The following ZBTB7C variants were observed in gnomAD, a reference collection of about 807,000 sequenced individuals.
ZBTB7C encodes zinc finger and BTB domain-containing protein 7C.
A neutral mutation model predicts 25.7 loss-of-function variants in ZBTB7C; 8 were observed. The ratio of observed to expected loss-of-function variants is 0.31; its 90% CI spans 0.18 to 0.56. The LOEUF (loss-of-function observed/expected upper bound fraction) is 0.56, where lower values mean the gene tolerates loss of function less well. Among genes scored for constraint, ZBTB7C ranks in the 20% least tolerant of loss-of-function variants. ZBTB7C has a pLI of 0.91. For missense variants in ZBTB7C, 824 were observed against 855.2 expected, an observed-to-expected ratio of 0.96 and a Z score of 0.46; for synonymous variants, 394 against 369.0, an observed-to-expected ratio of 1.07 and a Z score of -0.78.
At chr18:48,041,351 G>T in intron 3 of ZBTB7C, 2 of 985,402 alleles carry the variant, frequency 2.0e-6, no homozygotes, top group Non-Finnish European at 2.4e-6. Flanking sequence ...GCTTCTCACT[G>T]GGCAGCTGGT....
At chr18:48,135,921 G>A (rs555691577) in intron 3 of ZBTB7C, among the ~76,000 whole-genome samples, 26 of 152,360 alleles carry the variant, frequency 1.7e-4, no homozygotes, top group African/African-American at 4.8e-4. Flanking sequence ...CTGGGTACCA[G>A]CTATTAAAAG....
At chr18:48,063,808 G>A (rs906560049) in intron 3 of ZBTB7C, among the ~76,000 whole-genome samples, 29 of 152,202 alleles carry the variant, frequency 1.9e-4, no homozygotes, top group East Asian at 9.6e-4. Flanking sequence ...ATGTAAAAGC[G>A]TCCATGGTAG....
chr18:48,062,943 T>C (rs1295112332), intron 3 of ZBTB7C, among the ~76,000 whole-genome samples: 1 of 152,188 alleles, frequency 6.6e-6, no homozygotes, highest in African/African-American at 2.4e-5. Flanking sequence ...GCATTTTGCC[T>C]TCACCTGCTC....
At chr18:48,059,361 G>A (rs995922277) in intron 3 of ZBTB7C, among the ~76,000 whole-genome samples, 1 of 152,084 alleles carries the variant, frequency 6.6e-6, no homozygotes. Context: ...GAAGGCGGGG[G>A]TTAACTAAAA....
At chr18:48,205,625 T>C (rs1332579523) in intron 2 of ZBTB7C, among the ~76,000 whole-genome samples, 2 of 151,970 alleles carry the variant, frequency 1.3e-5, no homozygotes, top group African/African-American at 4.8e-5. Context: ...TTTAGTCATC[T>C]ATGGTGAGTA....
rs531225974 is a variant in ZBTB7C, at chr18:48,358,347, A to G, written c.-303-19949T>C. 2.8e-5 allele frequency among the ~76,000 whole-genome samples: 4 copies of G among 140,632 alleles called. No individual in the cohort carries two copies. The East Asian group carries it at 7.8e-4, about 27-fold the overall frequency. 92.3% of individuals were successfully genotyped at this position (140,632 alleles called of 152,430 possible). On this transcript the variant is annotated intron_variant, in intron 1 of 4. Coordinates refer to ENST00000590800, the MANE Select transcript of ZBTB7C (RefSeq NM_001318841.2). The stretch of plus-strand genomic sequence containing the variant: ...AGCCTGGGTGACTGAACGAGACTCC[A>G]CTTCAAAAAAATAAAGAAAAAGTAT...
intron 1 of ZBTB7C, among the ~76,000 whole-genome samples, chr18:48,390,548 C>G (rs1200955953): frequency 6.6e-6 from 1 of 152,208 alleles, no homozygotes; most frequent in Non-Finnish European, 1.5e-5. Context: ...ACACTTGGAG[C>G]CCAATTTTTA....
intron 2 of ZBTB7C, among the ~76,000 whole-genome samples, chr18:48,207,821 A>G (rs1777781356): frequency 6.6e-6 from 1 of 152,360 alleles, no homozygotes; most frequent in South Asian, 2.1e-4. Flanking sequence ...ATAAAGCTCA[A>G]AACAGCAAAA....
At chr18:48,217,551 T>G (rs1389726218) in intron 2 of ZBTB7C, among the ~76,000 whole-genome samples, 1 of 152,282 alleles carries the variant, frequency 6.6e-6, no homozygotes, top group East Asian at 1.9e-4. Flanking sequence ...CTGAAGTCTT[T>G]GCAGTCTCCT....
rs562338570 is a variant in ZBTB7C at position 48,356,203 on chromosome 18, C to T, written c.-303-17805G>A. ...AGGGAAGGGGCAGGCATCATCTTGT[C>T]GGACTGTTACAGAGACCCCATCCCC... On this transcript the variant is annotated intron_variant, in intron 1 of 4. Coordinates refer to ENST00000590800, the MANE Select transcript of ZBTB7C (RefSeq NM_001318841.2). Among the ~76,000 whole-genome samples, 3 of 152,288 alleles carry T rather than the reference C, an allele frequency of 2.0e-5. No individual in the cohort carries two copies. The East Asian group carries it at 5.8e-4, about 29-fold the overall frequency.
chr18:48,225,732 T>C (rs1015255117), intron 2 of ZBTB7C, among the ~76,000 whole-genome samples: 4 of 152,072 alleles, frequency 2.6e-5, no homozygotes, highest in African/African-American at 7.2e-5. Context: ...GTCACCATCA[T>C]GTGAGGAAAC....
chr18:48,089,979 C>T (rs2038350853), intron 3 of ZBTB7C, among the ~76,000 whole-genome samples: 1 of 152,212 alleles, frequency 6.6e-6, no homozygotes, highest in Admixed American at 6.5e-5. Context: ...GGATTCAGAA[C>T]TGGGTGAAGG....
intron 2 of ZBTB7C, among the ~76,000 whole-genome samples, chr18:48,306,591 G>A (rs151071644): frequency 4.8e-4 from 73 of 152,264 alleles, no homozygotes; most frequent in African/African-American, 1.8e-3. Context: ...ACTAGGCTCT[G>A]ACTTCCATAT....
chr18:48,211,469 A>G (rs2145248167), intron 2 of ZBTB7C, among the ~76,000 whole-genome samples: 1 of 152,332 alleles, frequency 6.6e-6, no homozygotes, highest in African/African-American at 2.4e-5. Flanking sequence ...CAAAATACAC[A>G]AAGAACTCTT....
intron 2 of ZBTB7C, among the ~76,000 whole-genome samples, chr18:48,211,887 A>G (rs2042710437): frequency 6.6e-6 from 1 of 152,222 alleles, no homozygotes; most frequent in Admixed American, 6.5e-5. Context: ...AAACCTGTAC[A>G]TGAATGTTTA....
chr18:48,372,421 T>C (rs2047408902), intron 1 of ZBTB7C, among the ~76,000 whole-genome samples: 2 of 152,252 alleles, frequency 1.3e-5, no homozygotes. Flanking sequence ...CAATAGGCTA[T>C]GAGTGGAACC....
intron 2 of ZBTB7C, among the ~76,000 whole-genome samples, chr18:48,218,846 G>C (rs4940338): frequency 0.98 from 148,896 of 152,266 alleles, 72,889 homozygotes; most frequent in Middle Eastern, 1. Context: ...TAGGCAGTAA[G>C]AGCCTACACT....
chr18:48,122,863 G>A (rs2039676767), intron 3 of ZBTB7C, among the ~76,000 whole-genome samples: 1 of 152,180 alleles, frequency 6.6e-6, no homozygotes. Flanking sequence ...ATGAGTGAAT[G>A]AACAGACCAG....
chr18:48,362,292 C>G (rs2047125101), intron 1 of ZBTB7C, among the ~76,000 whole-genome samples: 1 of 152,188 alleles, frequency 6.6e-6, no homozygotes, highest in Non-Finnish European at 1.5e-5. Flanking sequence ...TTCATGCTTC[C>G]CATGGTCTGA....
Sources: gnomAD v4.1 joint callset for allele counts (sites outside exome capture counted in the v4.1 genomes callset) on GRCh38, gnomAD v4.1.1 for gene constraint, MANE v1.5 for transcripts, NCBI Gene and HGNC (gene_info 2026-07-23, HGNC 2026-07-21) for gene names.